TMEM17: variants seen among roughly 807,000 people sequenced by gnomAD.
The protein encoded by TMEM17 is transmembrane protein 17.
In TMEM17, 15 loss-of-function variants were observed where a neutral mutation model predicts 19.1. The ratio of observed to expected loss-of-function variants is 0.78; its 90% confidence interval spans 0.52 to 1.21. The LOEUF is 1.21. TMEM17 is among the 50% of genes most tolerant of loss of function. The pLI is 0.00. For synonymous variants in TMEM17, 103 were observed against 86.9 expected, an observed-to-expected ratio of 1.19 and a Z score of -1.03; for missense variants, 245 against 242.3, an observed-to-expected ratio of 1.01 and a Z score of -0.07.
chr2:62,474,960 T>G, the TMEM17 span, among the ~76,000 whole-genome samples: 5 of 152,232 alleles, frequency 3.3e-5, no homozygotes, highest in East Asian at 1.9e-4. Flanking sequence ...TGATGATAGT[T>G]CACCACCCCG....
the TMEM17 span, among the ~76,000 whole-genome samples, chr2:62,469,331 C>T: frequency 1.3e-5 from 2 of 152,290 alleles, no homozygotes; most frequent in Non-Finnish European, 2.9e-5. Flanking sequence ...CACCTGACCC[C>T]GTCACATGTG....
At chr2:62,469,254 C>T in the TMEM17 span, among the ~76,000 whole-genome samples, 1 of 152,310 alleles carries the variant, frequency 6.6e-6, no homozygotes, top group South Asian at 2.1e-4. Context: ...TTGCTAACCT[C>T]TTCCCTCAAA....
the TMEM17 span, among the ~76,000 whole-genome samples, chr2:62,484,325 G>A: frequency 6.6e-6 from 1 of 152,086 alleles, no homozygotes; most frequent in Non-Finnish European, 1.5e-5. Context: ...TTTTTAGCAT[G>A]GGCCCCTTCT....
the TMEM17 span, among the ~76,000 whole-genome samples, chr2:62,478,400 T>C: frequency 2.6e-5 from 4 of 152,296 alleles, no homozygotes; most frequent in East Asian, 7.7e-4. Context: ...AATGAGGAAG[T>C]TCAGAGAACA....
At chr2:62,473,145 C>G in the TMEM17 span, among the ~76,000 whole-genome samples, 4 of 152,124 alleles carry the variant, frequency 2.6e-5, no homozygotes, top group Non-Finnish European at 4.4e-5. Flanking sequence ...AAATAATAGC[C>G]AACATTTATT....
chr2:62,482,838 G>GCCTATA, the TMEM17 span, among the ~76,000 whole-genome samples: 2 of 152,208 alleles, frequency 1.3e-5, no homozygotes, highest in Admixed American at 1.3e-4. Context: ...GGTTGCATAA[G>GCCTATA]CCTATAAACT....
downstream of TMEM17, among the ~76,000 whole-genome samples, chr2:62,495,968 ACTGT>A (rs1469492733): frequency 1.3e-5 from 2 of 151,966 alleles, no homozygotes; most frequent in Non-Finnish European, 2.9e-5. Context: ...GTCACATCTC[ACTGT>A]CTGTTGCTGA....
the TMEM17 span, among the ~76,000 whole-genome samples, chr2:62,458,731 C>G: frequency 2.6e-5 from 4 of 152,192 alleles, no homozygotes; most frequent in African/African-American, 9.7e-5. Flanking sequence ...GTTCTTGCTA[C>G]TCCTGGACAG....
chr2:62,454,779 C>G, the TMEM17 span, among the ~76,000 whole-genome samples: 1 of 152,190 alleles, frequency 6.6e-6, no homozygotes, highest in East Asian at 1.9e-4. Flanking sequence ...TCTCAGCTCA[C>G]TGCAAGCTCC....
At chr2:62,474,665 G>A in the TMEM17 span, among the ~76,000 whole-genome samples, 3 of 152,104 alleles carry the variant, frequency 2.0e-5, no homozygotes, top group Non-Finnish European at 4.4e-5. Flanking sequence ...GGGAGACACA[G>A]CCCAGGGTGC....
At chr2:62,475,914 C>A in the TMEM17 span, among the ~76,000 whole-genome samples, 4 of 152,136 alleles carry the variant, frequency 2.6e-5, no homozygotes, top group Non-Finnish European at 5.9e-5. Flanking sequence ...GGCGGGGAGG[C>A]AGTTGGCAAA....
chr2:62,490,353 A>AC, the TMEM17 span, among the ~76,000 whole-genome samples: 1 of 152,032 alleles, frequency 6.6e-6, no homozygotes, highest in African/African-American at 2.4e-5. Context: ...AGCCTCAACC[A>AC]CCCAGGCTCA....
the TMEM17 span, among the ~76,000 whole-genome samples, chr2:62,475,942 A>C: frequency 6.6e-6 from 1 of 152,168 alleles, no homozygotes; most frequent in African/African-American, 2.4e-5. Flanking sequence ...ATGTGCAGGA[A>C]AATGTCAAGC....
the TMEM17 span, among the ~76,000 whole-genome samples, chr2:62,487,539 CT>C: frequency 1.3e-5 from 2 of 152,170 alleles, no homozygotes; most frequent in Admixed American, 6.5e-5. Context: ...TAAGCCCTCA[CT>C]TTTTTAAAAG....
chr2:62,474,724 T>C, the TMEM17 span, among the ~76,000 whole-genome samples: 32 of 151,918 alleles, frequency 2.1e-4, no homozygotes, highest in African/African-American at 7.7e-4. Flanking sequence ...GCTCTGAAAA[T>C]TCCACATCCC....
chr2:62,485,933 A>G, the TMEM17 span, among the ~76,000 whole-genome samples: 1 of 152,224 alleles, frequency 6.6e-6, no homozygotes, highest in African/African-American at 2.4e-5. Context: ...AATTGACCTT[A>G]CAAAGTGAAT....
chr2:62,473,923 G>A, the TMEM17 span, among the ~76,000 whole-genome samples: 1 of 152,302 alleles, frequency 6.6e-6, no homozygotes, highest in African/African-American at 2.4e-5. Flanking sequence ...CAGAAAGAGT[G>A]GAAGTAAGAG....
At chr2:62,460,726 A>G in the TMEM17 span, among the ~76,000 whole-genome samples, 1 of 152,322 alleles carries the variant, frequency 6.6e-6, no homozygotes, top group Non-Finnish European at 1.5e-5. Context: ...AAACTCTGAG[A>G]TAAAGTCCTT....
the TMEM17 span, among the ~76,000 whole-genome samples, chr2:62,458,261 G>C: frequency 2.0e-5 from 3 of 152,222 alleles, no homozygotes; most frequent in Non-Finnish European, 4.4e-5. Context: ...AGGTGTGTCC[G>C]TGAGGCAAGC....
Sources: allele counts gnomAD v4.1 joint callset (sites outside exome capture counted in the v4.1 genomes callset), GRCh38; gene constraint gnomAD v4.1.1; transcripts MANE v1.5; gene names NCBI Gene and HGNC (gene_info 2026-07-23, HGNC 2026-07-21).